Variants in MPRIP observed in about 807,000 individuals in gnomAD.
MPRIP encodes the protein myosin phosphatase Rho interacting protein.
Under a neutral mutation model 234.9 loss-of-function variants are expected in MPRIP, and 59 were observed. The observed-to-expected ratio is 0.25, with a 90% CI of 0.20 to 0.31. The LOEUF is 0.31. Among genes scored for constraint, MPRIP ranks in the 10% least tolerant of loss-of-function variants. The pLI is 1.00. For missense variants in MPRIP, 2,436 were observed against 3,071.0 expected (o/e 0.79, Z 4.89); for synonymous variants, 1,144 against 1,263.9 (o/e 0.91, Z 2.01).
chr17:17,049,891 A>G (rs2088478474), intron 1 of MPRIP, among the ~76,000 whole-genome samples: 1 of 152,238 alleles, frequency 6.6e-6, no homozygotes, highest in Non-Finnish European at 1.5e-5. Context: ...GGCTACGTTA[A>G]AAAAGTAAAA....
intron 21 of MPRIP, among the ~76,000 whole-genome samples, 175 bp downstream of exon 21, chr17:17,176,687 G>A (rs1567779162): frequency 6.6e-6 from 1 of 152,234 alleles, no homozygotes; most frequent in South Asian, 2.1e-4. Flanking sequence ...GGCAGGTGCT[G>A]TGGGAACGTG....
At chr17:17,054,202 G>A (rs953166784) in intron 1 of MPRIP, among the ~76,000 whole-genome samples, 3 of 152,208 alleles carry the variant, frequency 2.0e-5, no homozygotes, top group Non-Finnish European at 4.4e-5. Context: ...AGTGAGTGAT[G>A]ACAGTCATGG....
chr17:17,128,780 C>T (rs1322272174), intron 4 of MPRIP, among the ~76,000 whole-genome samples: 1 of 152,184 alleles, frequency 6.6e-6, no homozygotes. Context: ...CAGGTGTGGC[C>T]TATGCACCCT....
At chr17:17,149,734 A>G (rs1346247977) in intron 11 of MPRIP, 2 of 99,556 alleles carry the variant, frequency 2.0e-5, no homozygotes, top group African/African-American at 5.1e-5. Flanking sequence ...TGTATAAAAT[A>G]TATTTTATAA....
At chr17:17,184,129 A>G (rs2046427383) in intron 23 of MPRIP, among the ~76,000 whole-genome samples, 1 of 152,254 alleles carries the variant, frequency 6.6e-6, no homozygotes, top group Admixed American at 6.5e-5. Context: ...GAGATGGGAA[A>G]TACTCTGTCC....
Position 17,042,810 on chromosome 17 carries a change from T to TGCGCCGCCGCCGCCGCCGCCGTCGCCGCC in MPRIP, c.-32_-4dup, listed in dbSNP as rs2088214619. 1 of 1,334,984 alleles carries TGCGCCGCCGCCGCCGCCGCCGTCGCCGCC rather than the reference T, an allele frequency of 7.5e-7. No individual in the cohort carries two copies. The highest frequency in any genetic ancestry group is 1.3e-5 in the South Asian group (1 of 75,718). The allele number at this position is 1,334,984 out of a possible 1,614,324, so 82.7% of individuals were successfully genotyped here. On this transcript the variant is annotated 5_prime_UTR_variant, in exon 1 of 24. Coordinates refer to ENST00000651222, the MANE Select transcript of MPRIP (RefSeq NM_001364716.4). ...CCGGGAGCGCCAGGCCGGCCAGGCC[T>TGCGCCGCCGCCGCCGCCGCCGTCGCCGCC]GCGCCGCCGCCGCCGCCGCCGTCGC...
intron 14 of MPRIP, among the ~76,000 whole-genome samples, chr17:17,159,842 T>C (rs2045823363): frequency 6.6e-6 from 1 of 152,242 alleles, no homozygotes; most frequent in Non-Finnish European, 1.5e-5. Context: ...ATTTGCCACT[T>C]GGGTATGCCT....
chr17:17,172,912 C>T, intron 18 of MPRIP, 97 bp downstream of exon 18: 1 of 1,148,804 alleles, frequency 8.7e-7, no homozygotes, highest in Non-Finnish European at 1.3e-6. Flanking sequence ...GCAGAGGCCT[C>T]CAGAAGTGGG....
At position 17,192,418 on chromosome 17, in the gene MPRIP, CTT is replaced by C. The variant is rs1157142141; in HGVS notation, c.*7532_*7533del. 8.1e-5 allele frequency: 2 copies of C among 24,632 alleles called. No individual in the cohort carries two copies. The highest frequency in any genetic ancestry group is 2.9e-4 in the African/African-American group (1 of 3,434). The allele number at this position is 24,632 out of a possible 1,614,324, so 1.5% of individuals were successfully genotyped here. On this transcript the variant is annotated 3_prime_UTR_variant, in exon 24 of 24. Transcript: ENST00000651222. Reference sequence around the variant, plus strand: ...GAAAGCCTGACCAGCTGAGCTGCTGCTTTTTTTTTGGGGGGGGGGGGGGGAGG... The same window carrying C: ...GAAAGCCTGACCAGCTGAGCTGCTGCTTTTTTTGGGGGGGGGGGGGGGAGG...
chr17:17,074,628 G>A (rs2089285041), intron 1 of MPRIP, among the ~76,000 whole-genome samples: 1 of 152,190 alleles, frequency 6.6e-6, no homozygotes, highest in South Asian at 2.1e-4. Context: ...ATACCTGTTA[G>A]CTGTCTCTCC....
At chr17:17,052,392 G>A (rs2088568664) in intron 1 of MPRIP, among the ~76,000 whole-genome samples, 1 of 152,136 alleles carries the variant, frequency 6.6e-6, no homozygotes, top group South Asian at 2.1e-4. Flanking sequence ...CTGGGAAGAG[G>A]GACCTGCTGG....
intron 20 of MPRIP, among the ~76,000 whole-genome samples, chr17:17,176,138 C>G (rs564136955): frequency 1.3e-5 from 2 of 152,230 alleles, no homozygotes; most frequent in African/African-American, 4.8e-5. Flanking sequence ...TCCTGATTCT[C>G]GCGGGCTTGG....
At chr17:17,129,705 T>C (rs993791352) in intron 4 of MPRIP, among the ~76,000 whole-genome samples, 1 of 152,180 alleles carries the variant, frequency 6.6e-6, no homozygotes, top group South Asian at 2.1e-4. Flanking sequence ...GGTTCCATCC[T>C]GCAAGGCCAT....
At chr17:17,116,665 G>A (rs760316020) in intron 3 of MPRIP, among the ~76,000 whole-genome samples, 4 of 152,238 alleles carry the variant, frequency 2.6e-5, no homozygotes, top group Non-Finnish European at 5.9e-5. Context: ...TGAGGCCTCC[G>A]TCCTGCCAGT....
At chr17:17,045,257 T>C (rs967091944) in intron 1 of MPRIP, among the ~76,000 whole-genome samples, 2 of 152,196 alleles carry the variant, frequency 1.3e-5, no homozygotes, top group Admixed American at 6.5e-5. Context: ...CGGCTTTTGC[T>C]CTGGAGATGT....
At chr17:17,064,399 G>T (rs995771577) in intron 1 of MPRIP, among the ~76,000 whole-genome samples, 2 of 151,962 alleles carry the variant, frequency 1.3e-5, no homozygotes, top group African/African-American at 4.8e-5. Context: ...AGATAATCGT[G>T]TTTCCCCTGT....
chr17:17,130,777 C>T (rs1446089407), intron 4 of MPRIP, among the ~76,000 whole-genome samples: 1 of 152,146 alleles, frequency 6.6e-6, no homozygotes, highest in Admixed American at 6.5e-5. Context: ...TCCTCCCACC[C>T]CCGTCGTCTA....
chr17:17,068,479 A>G (rs543969256), intron 1 of MPRIP, among the ~76,000 whole-genome samples: 2 of 151,986 alleles, frequency 1.3e-5, no homozygotes, highest in East Asian at 3.9e-4. Context: ...AGTCTGTTCA[A>G]AGAACCAGCT....
At chr17:17,161,387 TG>T (rs1567762065) in intron 15 of MPRIP, 31 bp downstream of exon 15, 1 of 1,472,004 alleles carries the variant, frequency 6.8e-7, no homozygotes, top group East Asian at 2.4e-5. Flanking sequence ...TGGCCCATGG[TG>T]CGCTCAGGAG....
Sources: gnomAD v4.1 joint callset for allele counts (sites outside exome capture counted in the v4.1 genomes callset) on GRCh38, gnomAD v4.1.1 for gene constraint, MANE v1.5 for transcripts, NCBI Gene and HGNC (gene_info 2026-07-23, HGNC 2026-07-21) for gene names.